Variants in CCDC88C observed in about 807,000 individuals in gnomAD.
The protein encoded by CCDC88C is protein Daple.
In CCDC88C, 131 loss-of-function variants were observed where a neutral mutation model predicts 198.8. The ratio of observed to expected loss-of-function variants is 0.66; its 90% CI spans 0.57 to 0.76. The LOEUF (loss-of-function observed/expected upper bound fraction) is 0.76. CCDC88C is among the 30% of genes least tolerant of loss of function. The pLI is 0.00. For missense variants in CCDC88C, 2,553 were observed against 2,631.6 expected (o/e 0.97, Z 0.65); for synonymous variants, 1,166 against 1,114.7 (o/e 1.05, Z -0.92).
At chr14:91,395,558 G>C (rs1885790514) in intron 3 of CCDC88C, among the ~76,000 whole-genome samples, 1 of 151,970 alleles carries the variant, frequency 6.6e-6, no homozygotes, top group African/African-American at 2.4e-5. Context: ...TTGTTCTCTG[G>C]CTTCACTTTT....
At chr14:91,302,777 T>TA (rs1431269300) in intron 20 of CCDC88C, among the ~76,000 whole-genome samples, 1 of 152,044 alleles carries the variant, frequency 6.6e-6, no homozygotes, top group African/African-American at 2.4e-5. Flanking sequence ...AATTAAAGGT[T>TA]AAAAATGAAA....
intron 15 of CCDC88C, among the ~76,000 whole-genome samples, chr14:91,310,699 T>C (rs550604905): frequency 2.1e-4 from 32 of 152,340 alleles, no homozygotes; most frequent in African/African-American, 7.2e-4. Flanking sequence ...CGCGAGCCAC[T>C]GCACCCGGCC....
At chr14:91,399,104 C>T (rs1295350877) in intron 3 of CCDC88C, among the ~76,000 whole-genome samples, 1 of 152,176 alleles carries the variant, frequency 6.6e-6, no homozygotes, top group Non-Finnish European at 1.5e-5. Context: ...CTCTGCCCAG[C>T]CCTAACCCTG....
At position 91,325,001 on chromosome 14, in the gene CCDC88C, G is replaced by A; in HGVS notation, c.1198-78C>T. 6.4e-7 allele frequency: 1 copy of A among 1,561,910 alleles called. No homozygotes were observed. Among genetic ancestry groups the A allele is most frequent in the Non-Finnish European group, 8.7e-7 (1 of 1,143,120 alleles). On this transcript the variant is annotated intron_variant, in intron 11 of 29. Coordinates refer to ENST00000389857, the MANE Select transcript of CCDC88C (RefSeq NM_001080414.4). The surrounding 1 kb of genome is among the most constrained non-coding windows in gnomAD (Gnocchi z 4.1). ...CTGGACAAGCCTCAGCCCCTGTATA[G>A]CTACCGTCATGTGCTGTGGATGAAG...
intron 17 of CCDC88C, among the ~76,000 whole-genome samples, chr14:91,308,137 C>T (rs1308916296): frequency 6.6e-6 from 1 of 152,198 alleles, no homozygotes; most frequent in East Asian, 1.9e-4. Flanking sequence ...AGGCCACTGC[C>T]CGCCTCCCCG....
intron 6 of CCDC88C, among the ~76,000 whole-genome samples, chr14:91,341,021 A>AATT: frequency 6.6e-6 from 1 of 152,174 alleles, no homozygotes; most frequent in Non-Finnish European, 1.5e-5. Flanking sequence ...TGTCTCTAAA[A>AATT]AAAGACAAAC....
In CCDC88C at chr14:91,299,944, C is replaced by T; in HGVS notation, c.3762G>A (p.Leu1254=). Reference sequence around the variant, plus strand: ...GCGCTCACCTGTCCAGCTCGCCCCGCAGCCTCTGGTTCTCGCCCATGGCGA... The same window carrying T: ...GCGCTCACCTGTCCAGCTCGCCCCGTAGCCTCTGGTTCTCGCCCATGGCGA... The part of the protein sequence containing the change: ...NALAMGENQR[L]RGELDRVNFL... The change falls in exon 21 of 30, where the codon CTG becomes CTA. Residue 1254 remains leucine (L), a synonymous_variant. Transcript: ENST00000389857. The T allele has an allele frequency of 6.3e-7, 1 of 1,589,974 alleles. No individual in the cohort carries two copies.
At chr14:91,403,219 A>C (rs939284286) in intron 3 of CCDC88C, among the ~76,000 whole-genome samples, 1 of 152,158 alleles carries the variant, frequency 6.6e-6, no homozygotes, top group Non-Finnish European at 1.5e-5. Flanking sequence ...AGTGAATCCA[A>C]TGGGTAAGTC....
intron 3 of CCDC88C, among the ~76,000 whole-genome samples, chr14:91,405,884 A>G (rs1474256737): frequency 6.6e-6 from 1 of 152,266 alleles, no homozygotes; most frequent in Non-Finnish European, 1.5e-5. Flanking sequence ...ACTGAGACGC[A>G]GTGACCACTC....
At chr14:91,281,843 T>G (rs941726635) in intron 26 of CCDC88C, among the ~76,000 whole-genome samples, 2 of 151,702 alleles carry the variant, frequency 1.3e-5, no homozygotes, top group Admixed American at 6.6e-5. Context: ...TCCTGGGGAG[T>G]CCTTTCCAGT....
At chr14:91,298,798 ACCC>A (rs1030113124) in intron 21 of CCDC88C, among the ~76,000 whole-genome samples, 2 of 151,724 alleles carry the variant, frequency 1.3e-5, no homozygotes, top group Non-Finnish European at 2.9e-5. Flanking sequence ...TGAGTTTCTA[ACCC>A]CCCGTATACA....
At chr14:91,356,822 G>A (rs1257517418) in intron 4 of CCDC88C, among the ~76,000 whole-genome samples, 2 of 152,106 alleles carry the variant, frequency 1.3e-5, no homozygotes, top group East Asian at 1.9e-4. Flanking sequence ...TGATGGTAGT[G>A]GGGCAGAGAG....
At chr14:91,287,581 C>G (rs956224903) in intron 25 of CCDC88C, among the ~76,000 whole-genome samples, 1 of 151,814 alleles carries the variant, frequency 6.6e-6, no homozygotes, top group African/African-American at 2.4e-5. Context: ...AAGTGATCCT[C>G]CTGTCTTGGC....
rs958089716 is a variant in CCDC88C at position 91,271,839 on chromosome 14, G to C, written c.*786C>G. 1 of 152,706 alleles carries C rather than the reference G, an allele frequency of 6.5e-6. No homozygotes were observed. The highest frequency in any genetic ancestry group is 6.5e-5 in the Admixed American group (1 of 15,290). The allele number at this position is 152,706 out of a possible 1,614,324, so 9.5% of individuals were successfully genotyped here. On this transcript the variant is annotated 3_prime_UTR_variant, in exon 30 of 30. Coordinates refer to ENST00000389857, the MANE Select transcript of CCDC88C (RefSeq NM_001080414.4). ...TGCACTGTGCACACTGGCCTGGAGG[G>C]GGCTGGATGGGGGCCTCTTTCCTGC...
chr14:91,370,084 G>C (rs1444359355), intron 3 of CCDC88C, among the ~76,000 whole-genome samples: 1 of 152,164 alleles, frequency 6.6e-6, no homozygotes, highest in African/African-American at 2.4e-5. Context: ...CGCTGGGAAG[G>C]AGCACCTGGA....
chr14:91,350,429 C>G (rs143936318), intron 4 of CCDC88C, among the ~76,000 whole-genome samples: 1,675 of 152,186 alleles, frequency 0.011, 30 homozygotes, highest in African/African-American at 0.037. Context: ...CCCAAAGTGC[C>G]GGGATTACAG....
chr14:91,325,796 T>C lies in CCDC88C; in HGVS notation c.1197+114A>G. 9.4e-7 allele frequency: 1 copy of C among 1,063,268 alleles called. No individual in the cohort carries two copies. Among genetic ancestry groups the C allele is most frequent in the Non-Finnish European group, 1.3e-6 (1 of 746,642 alleles). The allele number at this position is 1,063,268 out of a possible 1,614,324, so 65.9% of individuals were successfully genotyped here. Reference sequence around the variant, plus strand: ...GCTAGGTTGCCAGGGTTAGAACTCCTGCGCTCAAGGGATCCTCCCACCTTA... The same window carrying C: ...GCTAGGTTGCCAGGGTTAGAACTCCCGCGCTCAAGGGATCCTCCCACCTTA... On this transcript the variant is annotated intron_variant, in intron 11 of 29. Coordinates refer to ENST00000389857, the MANE Select transcript of CCDC88C (RefSeq NM_001080414.4). This position sits in a 1 kb window ranked among gnomAD's most constrained non-coding sequence, Gnocchi z 4.1.
Position 91,313,434 on chromosome 14 carries a change from A to G in CCDC88C, c.2382T>C (p.Ala794=), listed in dbSNP as rs779709041. 1 of 1,607,498 alleles carries G rather than the reference A, an allele frequency of 6.2e-7. No homozygotes were observed. ...TLESELGELE[A]ERQALRRDLE... Reference sequence around the variant, plus strand: ...GGTCCCGCCGCAGCGCCTGGCGCTCAGCCTCCAGCTCGCCCAGCTCACTCT... The same window carrying G: ...GGTCCCGCCGCAGCGCCTGGCGCTCGGCCTCCAGCTCGCCCAGCTCACTCT... Residue 794 remains alanine, a synonymous_variant, in exon 15 of 30, where the codon GCT becomes GCC. Transcript: ENST00000389857. This position sits in a 1 kb window ranked among gnomAD's most constrained non-coding sequence, Gnocchi z 5.2.
chr14:91,340,674 G>C (rs757199658), intron 6 of CCDC88C, among the ~76,000 whole-genome samples: 1 of 151,940 alleles, frequency 6.6e-6, no homozygotes, highest in Non-Finnish European at 1.5e-5. Context: ...TCTCAATTTT[G>C]GAAGAAAGAT....
Sources: gnomAD v4.1 joint callset for allele counts (sites outside exome capture counted in the v4.1 genomes callset) on GRCh38, gnomAD v4.1.1 for gene constraint, Gnocchi (gnomAD v3.1) non-coding constraint, MANE v1.5 for transcripts, NCBI Gene and HGNC (gene_info 2026-07-23, HGNC 2026-07-21) for gene names.